HOTAIR: variants seen among roughly 807,000 people sequenced by gnomAD.
HOTAIR encodes the protein HOX transcript antisense RNA, also known as HOX transcript antisense RNA (non-protein coding).
chr12:53,968,917 G>C (rs1055485831), intron 1 of HOTAIR: 1 of 152,142 alleles, frequency 6.6e-6, no homozygotes, highest in African/African-American at 2.4e-5. Flanking sequence ...TTGATTAGCT[G>C]TTTGTTCCCT....
At chr12:53,971,282 CGCCCA>C (rs1939143844) in intron 1 of HOTAIR, among the ~76,000 whole-genome samples, 1 of 152,188 alleles carries the variant, frequency 6.6e-6, no homozygotes, top group Non-Finnish European at 1.5e-5. Flanking sequence ...AAAGGAGTAG[CGCCCA>C]GCATTGAGTG....
intron 2 of HOTAIR, chr12:53,968,547 G>C (rs1023196701): frequency 6.6e-6 from 1 of 152,364 alleles, no homozygotes. Context: ...CAAAATGGGG[G>C]AGACTTGTAA....
In HOTAIR at chr12:53,973,807, T is replaced by C. The variant is rs750125152; in HGVS notation, n.59+1091A>G. On this transcript the variant is annotated intron_variant and non_coding_transcript_variant, in intron 1 of 6. Transcript: ENST00000424518. The surrounding 1 kb of genome is among the most constrained non-coding windows in gnomAD (Gnocchi z 4.3). ...CCCGAGGCACCCCCGGCCTCGGGAC[T>C]GGCGTCCCGGGCTGAGGCGGGTGCC... 4 of 1,539,198 alleles carry C rather than the reference T, an allele frequency of 2.6e-6. No homozygotes were observed. The South Asian group carries it at 4.7e-5, about 18-fold the overall frequency.
At chr12:53,974,586 T>C (rs1592196591) in intron 1 of HOTAIR, among the ~76,000 whole-genome samples, 2 of 150,500 alleles carry the variant, frequency 1.3e-5, no homozygotes, top group South Asian at 4.2e-4. Context: ...CAGGCGGGGG[T>C]CTGGGCGTTT....
At chr12:53,970,817 C>T (rs1939136526) in intron 1 of HOTAIR, among the ~76,000 whole-genome samples, 2 of 152,148 alleles carry the variant, frequency 1.3e-5, no homozygotes, top group South Asian at 4.2e-4. Context: ...AGGATACAGC[C>T]CCTACCCCCA....
intron 5 of HOTAIR, among the ~76,000 whole-genome samples, chr12:53,965,603 G>T (rs10783617): frequency 0.52 from 79,100 of 152,058 alleles, 23,945 homozygotes; most frequent in East Asian, 0.72. Context: ...GGACCAGAAG[G>T]CTGGGAAGAG....
In HOTAIR at chr12:53,973,406, C is replaced by G. The variant is rs1210969284; in HGVS notation, n.59+1492G>C. On this transcript the variant is annotated intron_variant and non_coding_transcript_variant, in intron 1 of 6. Coordinates refer to ENST00000424518, the Ensembl canonical transcript of HOTAIR. The surrounding 1 kb of genome is among the most constrained non-coding windows in gnomAD (Gnocchi z 4.3). ...TCTCCTCCTTCCTGCCCCAGGCCCC[C>G]TCTCGTCAGATCTCCTATCCCTACT... 3 of 1,614,128 alleles carry G rather than the reference C, an allele frequency of 1.9e-6. No individual in the cohort carries two copies. The highest frequency in any genetic ancestry group is 1.7e-6 in the Non-Finnish European group (2 of 1,180,054).
At chr12:53,971,596 T>C (rs895282370) in intron 1 of HOTAIR, among the ~76,000 whole-genome samples, 2 of 152,198 alleles carry the variant, frequency 1.3e-5, no homozygotes, top group Non-Finnish European at 1.5e-5. Context: ...GTAAAGAGAG[T>C]TCGGGCTATT....
chr12:53,972,259 T>A (rs1939160279), intron 1 of HOTAIR, among the ~76,000 whole-genome samples: 1 of 152,244 alleles, frequency 6.6e-6, no homozygotes, highest in Non-Finnish European at 1.5e-5. Flanking sequence ...AATCCTTTTC[T>A]TTGGGGTTTG....
chr12:53,971,508 C>T (rs922172974), intron 1 of HOTAIR, among the ~76,000 whole-genome samples: 16 of 152,232 alleles, frequency 1.1e-4, no homozygotes, highest in African/African-American at 3.9e-4. Flanking sequence ...GGAGCCGCAG[C>T]ACCTTATCAT....
intron 1 of HOTAIR, among the ~76,000 whole-genome samples, chr12:53,970,283 TGGG>T (rs1216217765): frequency 1.2e-3 from 185 of 152,282 alleles, no homozygotes; most frequent in African/African-American, 4.2e-3. Flanking sequence ...AGGAAGGGAT[TGGG>T]GGCCAGGGAT....
intron 1 of HOTAIR, among the ~76,000 whole-genome samples, chr12:53,972,748 T>G (rs1014783309): frequency 6.6e-6 from 1 of 151,970 alleles, no homozygotes; most frequent in Admixed American, 6.6e-5. Flanking sequence ...AAGTCCTCAC[T>G]CCCACCCTCC....
chr12:53,973,700 TTTC>T lies in HOTAIR; in HGVS notation n.59+1195_59+1197del, dbSNP rs749499195. ...GCGTCCTGCCTCAAGCCTTCGACCGTTTCTTCGACAACGCCTACTGCGGTGGCG... is the reference window on the plus strand; with the variant it reads ...GCGTCCTGCCTCAAGCCTTCGACCGTTTCGACAACGCCTACTGCGGTGGCG... On this transcript the variant is annotated intron_variant and non_coding_transcript_variant, in intron 1 of 6. Transcript: ENST00000424518. This position sits in a 1 kb window ranked among gnomAD's most constrained non-coding sequence, Gnocchi z 4.3. 6.2e-7 allele frequency: 1 copy of T among 1,613,570 alleles called. No homozygotes were observed. The highest frequency in any genetic ancestry group is 1.3e-5 in the African/African-American group (1 of 75,032).
intron 1 of HOTAIR, among the ~76,000 whole-genome samples, chr12:53,969,561 T>A (rs1417356017): frequency 6.6e-6 from 1 of 152,148 alleles, no homozygotes; most frequent in Non-Finnish European, 1.5e-5. Flanking sequence ...GTGTCCCGGG[T>A]GCAAGATAAA....
intron 3 of HOTAIR, chr12:53,966,693 G>C (rs573165401): frequency 6.6e-6 from 1 of 152,310 alleles, no homozygotes; most frequent in Non-Finnish European, 1.5e-5. Context: ...AGCGATCCCC[G>C]AGCGCTGAGC....
exon 1 of HOTAIR, chr12:53,974,935 G>A (rs1247268628): frequency 9.8e-6 from 5 of 511,296 alleles, no homozygotes; most frequent in Non-Finnish European, 1.7e-5. Context: ...CCTGTCAGCC[G>A]CGGCTCTCGC....
chr12:53,965,431 T>C (rs1033926515), intron 5 of HOTAIR, among the ~76,000 whole-genome samples: 13 of 152,366 alleles, frequency 8.5e-5, no homozygotes, highest in Middle Eastern at 3.4e-3. Flanking sequence ...GGTCCCAAAG[T>C]GAAGCCTCTT....
Position 53,974,019 on chromosome 12 carries a change from C to G in HOTAIR, n.59+879G>C. 3 of 1,109,202 alleles carry G rather than the reference C, an allele frequency of 2.7e-6. No homozygotes were observed. The South Asian group carries it at 5.3e-5, about 19-fold the overall frequency. The allele number at this position is 1,109,202 out of a possible 1,614,324, so 68.7% of individuals were successfully genotyped here. A position where few individuals can be genotyped will look rare whatever the true frequency, so the allele number is the denominator to read the frequency against. On this transcript the variant is annotated intron_variant and non_coding_transcript_variant, in intron 1 of 6. Transcript: ENST00000424518. ...GGGAGGCAAGGGGAGCGGGGACGGC[C>G]TCGTGTTTTGGGTCAGTCCGATTTT... is the stretch of plus-strand genomic sequence containing the variant.
Position 53,973,936 on chromosome 12 carries a change from G to T in HOTAIR, n.59+962C>A. ...GGAGCCGCCCCCAGTAGGTAGCAGCGGCCGGGGAACGGGCGGGCAGCGAGG... is the reference window on the plus strand; with the variant it reads ...GGAGCCGCCCCCAGTAGGTAGCAGCTGCCGGGGAACGGGCGGGCAGCGAGG... On this transcript the variant is annotated intron_variant and non_coding_transcript_variant, in intron 1 of 6. Coordinates refer to ENST00000424518, the Ensembl canonical transcript of HOTAIR. This position sits in a 1 kb window ranked among gnomAD's most constrained non-coding sequence, Gnocchi z 4.3. 1 of 1,435,798 alleles carries T rather than the reference G, an allele frequency of 7.0e-7. No homozygotes were observed. The highest frequency in any genetic ancestry group is 9.2e-7 in the Non-Finnish European group (1 of 1,092,814). 88.9% of individuals were successfully genotyped at this position (1,435,798 alleles called of 1,614,324 possible).
Sources: gnomAD v4.1 joint callset for allele counts (sites outside exome capture counted in the v4.1 genomes callset) on GRCh38, gnomAD v4.1.1 for gene constraint, Gnocchi (gnomAD v3.1) non-coding constraint, MANE v1.5 for transcripts, NCBI Gene and HGNC (gene_info 2026-07-23, HGNC 2026-07-21) for gene names.